The following DOCK9 variants were observed in gnomAD, a reference collection of about 807,000 sequenced individuals.
The protein encoded by DOCK9 is dedicator of cytokinesis protein 9.
In DOCK9, 89 loss-of-function variants were observed where a neutral mutation model predicts 263.3. That is an observed-to-expected ratio of 0.34 (90% CI 0.28 to 0.40). The LOEUF (loss-of-function observed/expected upper bound fraction) is 0.40, where lower values mean the gene tolerates loss of function less well. DOCK9 is among the 10% of genes least tolerant of loss of function. DOCK9 has a pLI of 1.00. For synonymous variants in DOCK9, 976 were observed against 973.1 expected (o/e 1.00, Z -0.06); for missense variants, 2,140 against 2,603.4 (o/e 0.82, Z 3.87).
chr13:98,973,971 C>T (rs2059981806), intron 1 of DOCK9, among the ~76,000 whole-genome samples: 1 of 152,124 alleles, frequency 6.6e-6, no homozygotes, highest in African/African-American at 2.4e-5. Context: ...ATCCTTCAAC[C>T]TTAAAAATTC....
At chr13:98,948,965 G>A (rs1384939363) in intron 2 of DOCK9, among the ~76,000 whole-genome samples, 2 of 152,082 alleles carry the variant, frequency 1.3e-5, no homozygotes, top group African/African-American at 2.4e-5. Flanking sequence ...ATGGACACTT[G>A]GGTTGCTTCC....
At chr13:99,078,772 C>T (rs990884879) in intron 1 of DOCK9, among the ~76,000 whole-genome samples, 10 of 152,220 alleles carry the variant, frequency 6.6e-5, no homozygotes. Context: ...TAAGTGGCTT[C>T]GCTCTGAGGG....
At chr13:98,836,733 C>T (rs1309739105) in intron 39 of DOCK9, among the ~76,000 whole-genome samples, 14 of 142,800 alleles carry the variant, frequency 9.8e-5, no homozygotes, top group Non-Finnish European at 2.1e-4. Context: ...GTCAGGAAAA[C>T]TCTCATTATT....
intron 21 of DOCK9, 116 bp from the exon 22 acceptor site, chr13:98,884,015 C>T: frequency 1.4e-6 from 1 of 713,308 alleles, no homozygotes; most frequent in Admixed American, 3.0e-5. Context: ...ACTTTAGTGA[C>T]TTGGCGACTG....
At chr13:98,914,430 TA>T in intron 8 of DOCK9, 35 bp from the exon 9 acceptor site, 1 of 1,568,546 alleles carries the variant, frequency 6.4e-7, no homozygotes, top group Non-Finnish European at 8.7e-7. Flanking sequence ...GAATCACTTG[TA>T]ATTCATAGCA....
chr13:98,798,491 G>T (rs2089714197), intron 50 of DOCK9, among the ~76,000 whole-genome samples: 2 of 152,184 alleles, frequency 1.3e-5, no homozygotes, highest in South Asian at 4.1e-4. Context: ...CTCAGCACCA[G>T]GCTGGTGCGT....
intron 2 of DOCK9, among the ~76,000 whole-genome samples, chr13:98,932,912 G>C (rs1340343019): frequency 6.6e-6 from 1 of 152,026 alleles, no homozygotes; most frequent in Non-Finnish European, 1.5e-5. Flanking sequence ...TTACACATCT[G>C]TTCTTGTGAA....
At chr13:98,974,295 T>C (rs1267565157) in intron 1 of DOCK9, among the ~76,000 whole-genome samples, 4 of 152,054 alleles carry the variant, frequency 2.6e-5, no homozygotes, top group South Asian at 2.1e-4. Flanking sequence ...CTCAGTGGGG[T>C]TGGCAGTAAG....
intron 1 of DOCK9, among the ~76,000 whole-genome samples, chr13:99,082,184 C>T (rs890956897): frequency 4.6e-5 from 7 of 152,144 alleles, no homozygotes; most frequent in Non-Finnish European, 8.8e-5. Flanking sequence ...CATGCCACTA[C>T]ACTCCAGCCT....
intron 38 of DOCK9, among the ~76,000 whole-genome samples, chr13:98,839,453 G>C (rs9584946): frequency 0.2 from 31,006 of 152,138 alleles, 3,323 homozygotes; most frequent in Admixed American, 0.25. Flanking sequence ...TGTGGTAAGA[G>C]GGCACACACA....
intron 47 of DOCK9, 46 bp downstream of exon 47, chr13:98,809,306 T>C: frequency 6.6e-7 from 1 of 1,510,380 alleles, no homozygotes; most frequent in Non-Finnish European, 9.0e-7. Context: ...TTTTTGTTTT[T>C]TTTTAAAGGA....
rs943729472 is a variant in DOCK9 at position 98,912,795 on chromosome 13, C to T, written c.960+1533G>A. On this transcript the variant is annotated intron_variant, in intron 9 of 52. Coordinates refer to ENST00000682017, the MANE Select transcript of DOCK9 (RefSeq NM_001366683.2). ...TGAATCTTCTCCTAGGTATCCATTC[C>T]GTTCACCCAGTAAGTGCAGAAGGTT... 4.6e-5 allele frequency among the ~76,000 whole-genome samples: 7 copies of T among 152,054 alleles called. No homozygotes were observed. In the East Asian group the frequency reaches 5.8e-4, roughly 13 times the overall value.
chr13:98,836,558 T>C (rs1327102858), intron 39 of DOCK9, among the ~76,000 whole-genome samples: 1 of 152,128 alleles, frequency 6.6e-6, no homozygotes, highest in Non-Finnish European at 1.5e-5. Flanking sequence ...TGAGAGCCCC[T>C]GTAGTAGAGG....
intron 1 of DOCK9, among the ~76,000 whole-genome samples, chr13:99,057,250 G>A (rs2040968480): frequency 1.3e-5 from 2 of 152,110 alleles, no homozygotes; most frequent in African/African-American, 4.8e-5. Context: ...GCAACCAAGA[G>A]TCCAAATTAA....
chr13:99,023,030 G>A (rs1595927664), intron 1 of DOCK9, among the ~76,000 whole-genome samples: 1 of 152,274 alleles, frequency 6.6e-6, no homozygotes, highest in Non-Finnish European at 1.5e-5. Flanking sequence ...GTAAAATAGT[G>A]CAGCTGTTAT....
In DOCK9 at chr13:98,922,077, T is replaced by C; in HGVS notation, c.556A>G (p.Asn186Asp). The C allele has an allele frequency of 6.2e-7, 1 of 1,601,094 alleles. No individual in the cohort carries two copies. The highest frequency in any genetic ancestry group is 1.1e-5 in the South Asian group (1 of 87,760). The change falls in exon 6 of 53, where the codon AAC becomes GAC. Residue 186 changes from asparagine to aspartate, a missense_variant. Transcript: ENST00000682017. ...KHGWLYKGNM[N>D]SAISVTMRSF... ...CTCATGGTCACGCTGATGGCACTGT[T>C]CATGTTGCCTTTGTACAGCCAGCCA...
chr13:98,846,317 T>C (rs868531823), intron 37 of DOCK9, among the ~76,000 whole-genome samples: 1 of 152,156 alleles, frequency 6.6e-6, no homozygotes. Flanking sequence ...GATGCTACTC[T>C]GAAAAAAGTG....
In DOCK9 at chr13:98,829,635, C is replaced by A. The variant is rs1472152066; in HGVS notation, c.4749+8G>T. 2 of 1,596,330 alleles carry A rather than the reference C, an allele frequency of 1.3e-6. No homozygotes were observed. The highest frequency in any genetic ancestry group is 1.7e-5 in the Admixed American group (1 of 57,394). ...CAGGGTGAAACTAACATGGGCCAGGCTACCCACCTTAATAAGCCGGTCACT... is the reference window on the plus strand; with the variant it reads ...CAGGGTGAAACTAACATGGGCCAGGATACCCACCTTAATAAGCCGGTCACT... On this transcript the variant is annotated splice_region_variant and intron_variant, in intron 42 of 52. Coordinates refer to ENST00000682017, the MANE Select transcript of DOCK9 (RefSeq NM_001366683.2). This position sits in a 1 kb window ranked among gnomAD's most constrained non-coding sequence, Gnocchi z 4.1.
intron 36 of DOCK9, among the ~76,000 whole-genome samples, 191 bp downstream of exon 36, chr13:98,849,856 G>T (rs1222537127): frequency 6.6e-6 from 1 of 152,092 alleles, no homozygotes; most frequent in African/African-American, 2.4e-5. Flanking sequence ...AATACTTTAA[G>T]GGTGACCACT....
Sources: allele counts gnomAD v4.1 joint callset (sites outside exome capture counted in the v4.1 genomes callset), GRCh38; gene constraint gnomAD v4.1.1; non-coding constraint Gnocchi (gnomAD v3.1); transcripts MANE v1.5; gene names NCBI Gene and HGNC (gene_info 2026-07-23, HGNC 2026-07-21).